KHDRBS2: variants seen among roughly 807,000 people sequenced by gnomAD.
KHDRBS2 encodes KH RNA binding domain containing, signal transduction associated 2, also known as KH domain-containing, RNA-binding, signal transduction-associated protein 2.
Under a neutral mutation model 44.3 loss-of-function variants are expected in KHDRBS2, and 26 were observed. That is an observed-to-expected ratio of 0.59 (90% CI 0.43 to 0.81). The LOEUF is 0.81. KHDRBS2 is among the 40% of genes least tolerant of loss of function. The pLI is 0.00. For synonymous variants in KHDRBS2, 194 were observed against 151.1 expected, an observed-to-expected ratio of 1.28 and a Z score of -2.08; for missense variants, 476 against 433.1, an observed-to-expected ratio of 1.10 and a Z score of -0.88.
At chr6:61,642,558 A>G in the KHDRBS2 span, among the ~76,000 whole-genome samples, 5 of 149,760 alleles carry the variant, frequency 3.3e-5, no homozygotes, top group African/African-American at 1.2e-4. Flanking sequence ...GCTACTGGGG[A>G]GGCTGAGGTG....
chr6:61,813,289 T>A (rs1788405062), intron 6 of KHDRBS2, among the ~76,000 whole-genome samples: 1 of 152,152 alleles, frequency 6.6e-6, no homozygotes, highest in Middle Eastern at 3.2e-3. Flanking sequence ...CCATCTTTTT[T>A]GCTGTAATGT....
At chr6:62,098,167 C>A (rs1360061968) in intron 2 of KHDRBS2, among the ~76,000 whole-genome samples, 2 of 151,464 alleles carry the variant, frequency 1.3e-5, no homozygotes, top group Non-Finnish European at 2.9e-5. Flanking sequence ...CTAGTTTACA[C>A]ACAATGTCTA....
At chr6:62,267,841 C>T (rs1237425279) in intron 1 of KHDRBS2, among the ~76,000 whole-genome samples, 1 of 151,970 alleles carries the variant, frequency 6.6e-6, no homozygotes, top group Non-Finnish European at 1.5e-5. Context: ...CATTCATACA[C>T]AAAATATTTT....
intron 2 of KHDRBS2, among the ~76,000 whole-genome samples, chr6:62,073,916 G>A (rs989356721): frequency 3.3e-5 from 5 of 151,722 alleles, no homozygotes; most frequent in Non-Finnish European, 7.4e-5. Flanking sequence ...TTGGATTTAT[G>A]CCCTGCTTTT....
At chr6:61,930,546 GAAAAAAAAAAAAAAAAAAAAA>G (rs1809844995) in intron 4 of KHDRBS2, among the ~76,000 whole-genome samples, 2 of 47,572 alleles carry the variant, frequency 4.2e-5, no homozygotes, top group Admixed American at 3.9e-4. Context: ...AAAAAAAAAA[GAAAAAAAAAAAAAAAAAAAAA>G]GGCTAGTCTA....
the KHDRBS2 span, among the ~76,000 whole-genome samples, chr6:61,672,625 T>A: frequency 6.6e-6 from 1 of 152,096 alleles, no homozygotes; most frequent in Non-Finnish European, 1.5e-5. Context: ...CATGTGTCTT[T>A]TGGCTGCATA....
At chr6:62,021,922 G>T (rs1782400915) in intron 3 of KHDRBS2, among the ~76,000 whole-genome samples, 2 of 85,932 alleles carry the variant, frequency 2.3e-5, no homozygotes, top group Admixed American at 2.2e-4. Flanking sequence ...AAGGTTTTTT[G>T]TGTATATATA....
At chr6:62,136,511 A>G (rs1310854943) in intron 2 of KHDRBS2, among the ~76,000 whole-genome samples, 1 of 152,138 alleles carries the variant, frequency 6.6e-6, no homozygotes, top group African/African-American at 2.4e-5. Flanking sequence ...TTTATTCTAG[A>G]TTATCTTAAT....
At chr6:62,204,523 T>C (rs1441365228) in intron 1 of KHDRBS2, among the ~76,000 whole-genome samples, 1 of 152,132 alleles carries the variant, frequency 6.6e-6, no homozygotes, top group Non-Finnish European at 1.5e-5. Context: ...CTGCAAAATG[T>C]TTCAGTGAGC....
chr6:61,980,823 C>T (rs1160635434), intron 3 of KHDRBS2, among the ~76,000 whole-genome samples: 1 of 152,210 alleles, frequency 6.6e-6, no homozygotes. Flanking sequence ...TTCTGATTAG[C>T]TATTGCAGAA....
At chr6:61,663,500 C>CATATATATATAGATATAT in the KHDRBS2 span, among the ~76,000 whole-genome samples, 1 of 35,970 alleles carries the variant, frequency 2.8e-5, no homozygotes, top group South Asian at 2.4e-3. Context: ...CATGAGACAC[C>CATATATATATAGATATAT]ATATATATAT....
chr6:62,247,492 G>T, intron 1 of KHDRBS2, among the ~76,000 whole-genome samples: 1 of 152,054 alleles, frequency 6.6e-6, no homozygotes, highest in Middle Eastern at 3.4e-3. Flanking sequence ...AGTAACAATG[G>T]TATATCTTAA....
At chr6:61,731,767 T>G (rs1168435579) in intron 7 of KHDRBS2, among the ~76,000 whole-genome samples, 2 of 152,116 alleles carry the variant, frequency 1.3e-5, no homozygotes, top group Non-Finnish European at 2.9e-5. Context: ...TGTATTTTCC[T>G]GTGAAATTTG....
the KHDRBS2 span, among the ~76,000 whole-genome samples, chr6:61,668,964 AG>A: frequency 6.6e-6 from 1 of 150,936 alleles, no homozygotes; most frequent in East Asian, 2.0e-4. Flanking sequence ...ATTTTTCTAG[AG>A]GGACAATTTC....
At chr6:61,713,539 C>T (rs544818039) in intron 7 of KHDRBS2, among the ~76,000 whole-genome samples, 6 of 150,414 alleles carry the variant, frequency 4.0e-5, no homozygotes, top group Middle Eastern at 3.5e-3. Context: ...TTATCTATAT[C>T]CTTGTAGTAC....
At chr6:61,581,015 C>A in the KHDRBS2 span, among the ~76,000 whole-genome samples, 3 of 152,058 alleles carry the variant, frequency 2.0e-5, no homozygotes, top group Non-Finnish European at 4.4e-5. Context: ...AGAAGGTAAG[C>A]ACTTTAAATC....
intron 6 of KHDRBS2, among the ~76,000 whole-genome samples, chr6:61,775,202 A>C (rs1198736329): frequency 6.6e-6 from 1 of 152,048 alleles, no homozygotes; most frequent in Non-Finnish European, 1.5e-5. Flanking sequence ...ATGGGCAAAA[A>C]CTGGAAGCAT....
chr6:61,816,188 C>T (rs1788904673), intron 6 of KHDRBS2, among the ~76,000 whole-genome samples: 1 of 151,894 alleles, frequency 6.6e-6, no homozygotes, highest in South Asian at 2.1e-4. Context: ...AAATTGTGTC[C>T]CCAAAAAGAT....
At chr6:62,104,175 T>C (rs1224136569) in intron 2 of KHDRBS2, among the ~76,000 whole-genome samples, 1 of 152,246 alleles carries the variant, frequency 6.6e-6, no homozygotes, top group Non-Finnish European at 1.5e-5. Context: ...AACTTTCAAT[T>C]ATGTTGACCT....
Sources: allele counts gnomAD v4.1 joint callset (sites outside exome capture counted in the v4.1 genomes callset), GRCh38; gene constraint gnomAD v4.1.1; transcripts MANE v1.5; gene names NCBI Gene and HGNC (gene_info 2026-07-23, HGNC 2026-07-21).